Variants in CSMD3 observed in about 807,000 individuals in gnomAD.
CSMD3 encodes CUB and sushi domain-containing protein 3.
Under a neutral mutation model 435.2 loss-of-function variants are expected in CSMD3, and 177 were observed. The ratio of observed to expected loss-of-function variants is 0.41; its 90% CI spans 0.36 to 0.46. The LOEUF is 0.46. Ranked by LOEUF, CSMD3 falls within the 20% of genes least tolerant of loss-of-function variation. The pLI, the probability that CSMD3 is intolerant of heterozygous loss-of-function variation, is 0.34. For missense variants in CSMD3, 4,265 were observed against 4,504.6 expected (o/e 0.95, Z 1.52); for synonymous variants, 1,656 against 1,520.5 (o/e 1.09, Z -2.07).
At chr8:112,800,091 T>A in intron 13 of CSMD3, 71 bp downstream of exon 13, 1 of 1,049,716 alleles carries the variant, frequency 9.5e-7, no homozygotes. Context: ...GTAGATGCAA[T>A]TAAACGTGAA....
chr8:112,820,458 A>G (rs1488864381), intron 12 of CSMD3, among the ~76,000 whole-genome samples: 1 of 152,082 alleles, frequency 6.6e-6, no homozygotes, highest in African/African-American at 2.4e-5. Context: ...CATAATATAC[A>G]TAATTACAAA....
intron 24 of CSMD3, among the ~76,000 whole-genome samples, chr8:112,560,714 C>A (rs986806215): frequency 6.6e-6 from 1 of 151,552 alleles, no homozygotes; most frequent in Non-Finnish European, 1.5e-5. Context: ...CTCTCAAACA[C>A]AGAAGAAACA....
At chr8:112,285,651 T>C (rs1255439114) in intron 58 of CSMD3, among the ~76,000 whole-genome samples, 1 of 152,122 alleles carries the variant, frequency 6.6e-6, no homozygotes, top group East Asian at 1.9e-4. Flanking sequence ...ACAATTAAGG[T>C]CAATACAATA....
rs142587806 is a variant in CSMD3, at chr8:113,249,940, C to A, written c.514+28652G>T. 6.3e-3 allele frequency among the ~76,000 whole-genome samples: 957 copies of A among 151,914 alleles called. 10 individuals carry two copies. The highest frequency in any genetic ancestry group is 0.022 in the African/African-American group (931 of 41,458). ...ATCTATGTAAATATACAGAAACAGA[C>A]TAATTGTAGAAGTGTGTATTTAGCT... On this transcript the variant is annotated intron_variant, in intron 3 of 70. Coordinates refer to ENST00000297405, the MANE Select transcript of CSMD3 (RefSeq NM_198123.2).
intron 3 of CSMD3, among the ~76,000 whole-genome samples, chr8:113,179,189 A>G (rs996725573): frequency 1.3e-5 from 2 of 151,830 alleles, no homozygotes; most frequent in Non-Finnish European, 2.9e-5. Flanking sequence ...CAATTTTATA[A>G]GACTGTTGAT....
intron 13 of CSMD3, among the ~76,000 whole-genome samples, chr8:112,753,553 A>G (rs1165148706): frequency 6.6e-6 from 1 of 152,234 alleles, no homozygotes; most frequent in African/African-American, 2.4e-5. Flanking sequence ...AGTAGTGTGC[A>G]GAAATGTTTC....
At chr8:112,524,743 C>T (rs1328718070) in intron 27 of CSMD3, among the ~76,000 whole-genome samples, 1 of 151,752 alleles carries the variant, frequency 6.6e-6, no homozygotes, top group Non-Finnish European at 1.5e-5. Flanking sequence ...GTATGTCTCA[C>T]AATAGTTATA....
intron 51 of CSMD3, 54 bp downstream of exon 51, chr8:112,305,953 G>T (rs1457118267): frequency 2.2e-6 from 3 of 1,379,472 alleles, no homozygotes; most frequent in South Asian, 1.2e-5. Context: ...AAAATTTCAG[G>T]TATATAAAAT....
At chr8:112,878,693 A>G (rs1274068493) in intron 10 of CSMD3, among the ~76,000 whole-genome samples, 2 of 152,136 alleles carry the variant, frequency 1.3e-5, no homozygotes, top group Non-Finnish European at 2.9e-5. Context: ...TAGACTAGAT[A>G]AAGAAAATGT....
chr8:112,496,095 G>T (rs1002421050), intron 30 of CSMD3, among the ~76,000 whole-genome samples: 1 of 151,706 alleles, frequency 6.6e-6, no homozygotes. Context: ...TCAGCCTCCC[G>T]AGTAGCTGGG....
intron 7 of CSMD3, among the ~76,000 whole-genome samples, chr8:112,962,831 C>T (rs2084280713): frequency 1.3e-5 from 2 of 151,812 alleles, no homozygotes; most frequent in South Asian, 2.1e-4. Context: ...TGTTCTCTGC[C>T]CAGAAATTTG....
intron 13 of CSMD3, among the ~76,000 whole-genome samples, chr8:112,711,791 TC>T (rs1415337948): frequency 6.6e-6 from 1 of 152,174 alleles, no homozygotes; most frequent in Non-Finnish European, 1.5e-5. Context: ...TCTTGCTTTG[TC>T]ACTCAGGCTG....
At chr8:112,709,354 G>A (rs766740467) in intron 13 of CSMD3, among the ~76,000 whole-genome samples, 11 of 151,866 alleles carry the variant, frequency 7.2e-5, no homozygotes, top group Admixed American at 3.9e-4. Flanking sequence ...ATTTGACCCC[G>A]CGGCCATCTG....
intron 3 of CSMD3, among the ~76,000 whole-genome samples, chr8:113,183,819 C>G (rs2092458927): frequency 6.6e-6 from 1 of 151,872 alleles, no homozygotes; most frequent in Non-Finnish European, 1.5e-5. Context: ...TGTGTAAAAG[C>G]CAAATCAAAC....
At chr8:113,143,931 C>G (rs764660043) in intron 4 of CSMD3, among the ~76,000 whole-genome samples, 34 of 151,348 alleles carry the variant, frequency 2.2e-4, no homozygotes, top group Middle Eastern at 3.2e-3. Flanking sequence ...AAGACATTAT[C>G]ATTGGTAGAA....
chr8:113,221,354 TACACACACAC>T lies in CSMD3; in HGVS notation c.515-47448_515-47439del, dbSNP rs147263614. 6.3e-5 allele frequency among the ~76,000 whole-genome samples: 9 copies of T among 141,916 alleles called. No individual in the cohort carries two copies. The South Asian group carries it at 1.8e-3, about 29-fold the overall frequency. 93.1% of individuals were successfully genotyped at this position (141,916 alleles called of 152,430 possible). A position where few individuals can be genotyped will look rare whatever the true frequency, so the allele number is the denominator to read the frequency against. The stretch of plus-strand genomic sequence containing the variant: ...AGGAGAAAATACACACAGACACAGT[TACACACACAC>T]ACACACACACACACACACACGGAGG... On this transcript the variant is annotated intron_variant, in intron 3 of 70. Transcript: ENST00000297405.
intron 2 of CSMD3, among the ~76,000 whole-genome samples, chr8:113,287,392 C>G (rs1029303400): frequency 5.3e-5 from 8 of 151,970 alleles, no homozygotes. Context: ...AATGGCTGTT[C>G]TGTTAAAATA....
At chr8:112,364,634 T>C (rs1299746563) in intron 38 of CSMD3, among the ~76,000 whole-genome samples, 1 of 152,008 alleles carries the variant, frequency 6.6e-6, no homozygotes, top group African/African-American at 2.4e-5. Context: ...AAGAGTCTAA[T>C]CCAAGACTAT....
chr8:112,883,024 G>A (rs935693329), intron 10 of CSMD3, among the ~76,000 whole-genome samples: 1 of 151,904 alleles, frequency 6.6e-6, no homozygotes, highest in African/African-American at 2.4e-5. Context: ...CACACAGTGG[G>A]CCCACCTGGT....
Sources: allele counts gnomAD v4.1 joint callset (sites outside exome capture counted in the v4.1 genomes callset), GRCh38; gene constraint gnomAD v4.1.1; transcripts MANE v1.5; gene names NCBI Gene and HGNC (gene_info 2026-07-23, HGNC 2026-07-21).